NDUFV2: variants seen among roughly 807,000 people sequenced by gnomAD.
The protein encoded by NDUFV2 is NADH:ubiquinone oxidoreductase core subunit V2, also known as NADH dehydrogenase [ubiquinone] flavoprotein 2, mitochondrial.
Under a neutral mutation model 31.6 loss-of-function variants are expected in NDUFV2, and 18 were observed. The observed-to-expected ratio is 0.57, with a 90% confidence interval of 0.39 to 0.84. NDUFV2 has a LOEUF of 0.84. Among genes scored for constraint, NDUFV2 ranks in the 40% least tolerant of loss-of-function variants. NDUFV2 has a pLI of 0.00. For synonymous variants in NDUFV2, 83 were observed against 99.8 expected (o/e 0.83, Z 1.01); for missense variants, 314 against 303.6 (o/e 1.03, Z -0.26).
intron 5 of NDUFV2, among the ~76,000 whole-genome samples, chr18:9,123,862 G>A (rs12966775): frequency 0.11 from 16,564 of 152,174 alleles, 1,066 homozygotes; most frequent in African/African-American, 0.16. Context: ...CCTGTTGTAT[G>A]CTGAGATAGT....
intron 6 of NDUFV2, 121 bp downstream of exon 6, chr18:9,125,104 C>T: frequency 9.7e-7 from 1 of 1,035,638 alleles, no homozygotes; most frequent in Non-Finnish European, 1.4e-6. Flanking sequence ...GAAATGGTTA[C>T]CATAAATATC....
At chr18:9,108,000 G>A (rs1187039103) in intron 1 of NDUFV2, among the ~76,000 whole-genome samples, 3 of 152,146 alleles carry the variant, frequency 2.0e-5, no homozygotes, top group African/African-American at 7.2e-5. Context: ...CGGGTCCACT[G>A]GATGGGCATT....
chr18:9,118,826 T>TG (rs1440610234), intron 2 of NDUFV2, among the ~76,000 whole-genome samples: 12 of 148,582 alleles, frequency 8.1e-5, no homozygotes, highest in Non-Finnish European at 1.5e-4. Flanking sequence ...TTTTTTTTTT[T>TG]TTTTTTTTTT....
chr18:9,103,659 T>TC (rs746867751), intron 1 of NDUFV2: 1 of 155,230 alleles, frequency 6.4e-6, no homozygotes, highest in Non-Finnish European at 1.4e-5. Flanking sequence ...GGCTTTAGAG[T>TC]TAGACTCGAG....
intron 1 of NDUFV2, chr18:9,104,314 A>G (rs2144726434): frequency 6.2e-7 from 1 of 1,602,586 alleles, no homozygotes; most frequent in East Asian, 2.2e-5. Context: ...TTGATTTTAG[A>G]GGCCGTCAGG....
chr18:9,125,370 T>C (rs2077980093), intron 6 of NDUFV2, among the ~76,000 whole-genome samples: 1 of 152,150 alleles, frequency 6.6e-6, no homozygotes, highest in Admixed American at 6.5e-5. Context: ...CTCTTCCTTT[T>C]ATCCCCAGAG....
chr18:9,109,950 A>G (rs1229026044), intron 1 of NDUFV2, among the ~76,000 whole-genome samples: 3 of 152,202 alleles, frequency 2.0e-5, no homozygotes, highest in African/African-American at 7.2e-5. Context: ...TGAGCTGTAT[A>G]TTAGGTTATG....
At chr18:9,124,571 C>T (rs1278696113) in intron 5 of NDUFV2, among the ~76,000 whole-genome samples, 3 of 151,582 alleles carry the variant, frequency 2.0e-5, no homozygotes, top group African/African-American at 4.8e-5. Flanking sequence ...GCCTCAGCCT[C>T]CCGAGTAGGT....
At chr18:9,102,934 C>T (rs1215698945) in intron 1 of NDUFV2, 137 bp downstream of exon 1, 4 of 861,260 alleles carry the variant, frequency 4.6e-6, no homozygotes, top group East Asian at 3.1e-5. Context: ...CGGCCTTAGC[C>T]CTCTTAGGGA....
At chr18:9,127,543 C>T (rs1416629557) in intron 7 of NDUFV2, among the ~76,000 whole-genome samples, 1 of 152,182 alleles carries the variant, frequency 6.6e-6, no homozygotes. Flanking sequence ...ACAATCTCAG[C>T]TCAGTGCAAG....
intron 5 of NDUFV2, 145 bp from the exon 6 acceptor site, chr18:9,124,729 T>G: frequency 1.4e-6 from 1 of 717,866 alleles, no homozygotes; most frequent in Non-Finnish European, 2.2e-6. Flanking sequence ...ATTACAGGCG[T>G]GAGCCACCGC....
At chr18:9,105,091 G>T in intron 1 of NDUFV2, 1 of 1,193,410 alleles carries the variant, frequency 8.4e-7, no homozygotes. Context: ...TCCATTGTGA[G>T]GATGTTCTAT....
intron 1 of NDUFV2, among the ~76,000 whole-genome samples, chr18:9,109,291 C>T (rs868246764): frequency 6.6e-6 from 1 of 152,110 alleles, no homozygotes; most frequent in Non-Finnish European, 1.5e-5. Flanking sequence ...CTTAGTTGGC[C>T]TCTAATAAAG....
chr18:9,110,513 C>T (rs2077864694), intron 1 of NDUFV2, among the ~76,000 whole-genome samples: 1 of 152,014 alleles, frequency 6.6e-6, no homozygotes, highest in Non-Finnish European at 1.5e-5. Flanking sequence ...TGTTTGTTTA[C>T]TTACTACTTT....
At chr18:9,130,883 G>A (rs1337875500) in intron 7 of NDUFV2, among the ~76,000 whole-genome samples, 1 of 152,164 alleles carries the variant, frequency 6.6e-6, no homozygotes, top group Non-Finnish European at 1.5e-5. Context: ...AACTGCTTTT[G>A]TATTATCGTT....
rs775561864 is a variant in NDUFV2, at chr18:9,126,811, ATTG to A, written c.580-17_580-15del. 6 of 1,575,264 alleles carry A rather than the reference ATTG, an allele frequency of 3.8e-6. No homozygotes were observed. The African/African-American group carries it at 5.4e-5, about 14-fold the overall frequency. Reference sequence around the variant, plus strand: ...AAAAGAAAGTAATTTAAATATGACTATTGTTAATTTTTTTTCCAGGAGGATTTG... The same window carrying A: ...AAAAGAAAGTAATTTAAATATGACTATTAATTTTTTTTCCAGGAGGATTTG... On this transcript the variant is annotated splice_polypyrimidine_tract_variant and intron_variant, in intron 6 of 7. Coordinates refer to ENST00000318388, the MANE Select transcript of NDUFV2 (RefSeq NM_021074.5).
intron 1 of NDUFV2, among the ~76,000 whole-genome samples, chr18:9,106,322 T>C (rs1392465420): frequency 2.6e-5 from 4 of 152,226 alleles, no homozygotes; most frequent in African/African-American, 9.6e-5. Context: ...TTTTTATGAA[T>C]GTAGACTCCC....
At chr18:9,106,893 T>C (rs1311788771) in intron 1 of NDUFV2, among the ~76,000 whole-genome samples, 1 of 106,970 alleles carries the variant, frequency 9.3e-6, no homozygotes, top group Non-Finnish European at 2.1e-5. Context: ...CTAGTTCTTA[T>C]ATCACATCAC....
intron 3 of NDUFV2, 32 bp downstream of exon 3, chr18:9,119,420 C>A: frequency 6.3e-7 from 1 of 1,597,326 alleles, no homozygotes; most frequent in East Asian, 2.2e-5. Flanking sequence ...AATTAATTTA[C>A]CAAATAGGTA....
Sources: allele counts gnomAD v4.1 joint callset (sites outside exome capture counted in the v4.1 genomes callset), GRCh38; gene constraint gnomAD v4.1.1; transcripts MANE v1.5; gene names NCBI Gene and HGNC (gene_info 2026-07-23, HGNC 2026-07-21).